Variants in C2CD5 observed in about 807,000 individuals in gnomAD.
C2CD5 encodes C2 domain-containing protein 5.
In C2CD5, 109 loss-of-function variants were observed where a neutral mutation model predicts 130.3. The observed-to-expected ratio is 0.84, with a 90% CI of 0.72 to 0.98. C2CD5 has a LOEUF of 0.98. C2CD5 is among the 50% of genes least tolerant of loss of function. C2CD5 has a pLI of 0.00. For missense variants in C2CD5, 996 were observed against 1,261.8 expected, an observed-to-expected ratio of 0.79 and a Z score of 3.19; for synonymous variants, 454 against 429.2, an observed-to-expected ratio of 1.06 and a Z score of -0.71.
At position 22,470,891 on chromosome 12, in the gene C2CD5, T is replaced by G; in HGVS notation, c.2379A>C (p.Ala793=). ...ELIQVTVTAV[A]ITFDKNQALQ... ...AAGCCTGATTTTTGTCAAAAGTGATTGCGACTGCCGTGACTGTAACCTAGA... is the reference window on the plus strand; with the variant it reads ...AAGCCTGATTTTTGTCAAAAGTGATGGCGACTGCCGTGACTGTAACCTAGA... The change falls in exon 21 of 27, where the codon GCA becomes GCC. Residue 793 remains alanine (A), a synonymous_variant. Transcript: ENST00000446597. The G allele has an allele frequency of 4.3e-6, 7 of 1,611,948 alleles. No individual in the cohort carries two copies. Among genetic ancestry groups the G allele is most frequent in the Non-Finnish European group, 5.9e-6 (7 of 1,178,300 alleles).
At chr12:22,529,456 C>G (rs1390307304) in intron 3 of C2CD5, among the ~76,000 whole-genome samples, 3 of 152,090 alleles carry the variant, frequency 2.0e-5, no homozygotes, top group Non-Finnish European at 4.4e-5. Context: ...ACTAAGGTAT[C>G]CCTTCCCTGA....
At chr12:22,468,209 G>A (rs1188451413) in intron 22 of C2CD5, among the ~76,000 whole-genome samples, 1 of 151,874 alleles carries the variant, frequency 6.6e-6, no homozygotes, top group East Asian at 1.9e-4. Flanking sequence ...GCTGTATAGT[G>A]AATTCAAGAA....
intron 9 of C2CD5, among the ~76,000 whole-genome samples, chr12:22,508,871 CT>C (rs60617771): frequency 0.1 from 14,239 of 138,154 alleles, 697 homozygotes; most frequent in African/African-American, 0.21. Context: ...ATACTTAAAT[CT>C]TTTTTTTTTT....
At chr12:22,518,211 C>T in intron 7 of C2CD5, 74 bp from the exon 8 acceptor site, 1 of 1,425,346 alleles carries the variant, frequency 7.0e-7, no homozygotes, top group Non-Finnish European at 9.9e-7. Flanking sequence ...ATGATCCAAA[C>T]ACCAGGAAAG....
chr12:22,525,291 T>C (rs980642707), intron 5 of C2CD5, among the ~76,000 whole-genome samples: 5 of 152,176 alleles, frequency 3.3e-5, no homozygotes, highest in Non-Finnish European at 5.9e-5. Context: ...CTAGACCCAA[T>C]ACCCATAAAA....
intron 3 of C2CD5, among the ~76,000 whole-genome samples, chr12:22,528,539 T>C (rs1950931355): frequency 6.6e-6 from 1 of 152,176 alleles, no homozygotes; most frequent in Non-Finnish European, 1.5e-5. Flanking sequence ...CTGGATATCA[T>C]GCCATTATCT....
rs1952740076 is a variant in C2CD5 at position 22,544,324 on chromosome 12, G to C, written c.-34C>G. 1.9e-6 allele frequency: 1 copy of C among 532,552 alleles called. No individual in the cohort carries two copies. Among genetic ancestry groups the C allele is most frequent in the Non-Finnish European group, 3.2e-6 (1 of 308,066 alleles). 33.0% of individuals were successfully genotyped at this position (532,552 alleles called of 1,614,324 possible). On this transcript the variant is annotated 5_prime_UTR_variant, in exon 1 of 27. Coordinates refer to ENST00000446597, the MANE Select transcript of C2CD5 (RefSeq NM_001286176.2). ...GCGCCACGGGTCGCCACTCACTGTC[G>C]CAGGAGGAAGGGTGCTGTCCCGCGC...
At chr12:22,535,460 T>A in intron 2 of C2CD5, 116 bp from the exon 3 acceptor site, 1 of 634,032 alleles carries the variant, frequency 1.6e-6, no homozygotes. Flanking sequence ...AAGACTATTA[T>A]CCTCTGGGAC....
intron 7 of C2CD5, among the ~76,000 whole-genome samples, chr12:22,519,716 A>ATTT (rs1345618590): frequency 2.0e-5 from 3 of 152,168 alleles, no homozygotes; most frequent in Non-Finnish European, 4.4e-5. Flanking sequence ...AGAAAGTTAA[A>ATTT]TAACTGTCTA....
Position 22,449,896 on chromosome 12 carries a change from A to C in C2CD5, c.3025-5T>G, listed in dbSNP as rs750520529. 6.2e-7 allele frequency: 1 copy of C among 1,602,398 alleles called. No homozygotes were observed. The highest frequency in any genetic ancestry group is 8.5e-7 in the Non-Finnish European group (1 of 1,170,816). ...TACATTTATAAGACACTGTGCCTAT[A>C]AGAACAACAAACAGGACAGGTTCAG... On this transcript the variant is annotated splice_polypyrimidine_tract_variant and splice_region_variant and intron_variant, in intron 26 of 26. Transcript: ENST00000446597.
At chr12:22,509,736 T>C (rs1948977825) in intron 9 of C2CD5, among the ~76,000 whole-genome samples, 1 of 152,158 alleles carries the variant, frequency 6.6e-6, no homozygotes, top group Non-Finnish European at 1.5e-5. Context: ...ACCTTTCCCA[T>C]ATGAGGGAAG....
chr12:22,452,502 T>C (rs776488407), intron 26 of C2CD5, among the ~76,000 whole-genome samples: 13 of 152,184 alleles, frequency 8.5e-5, no homozygotes, highest in Non-Finnish European at 1.6e-4. Context: ...GTAGCCTCAC[T>C]GAGCTTTTAG....
At chr12:22,453,628 C>A (rs1021467560) in intron 26 of C2CD5, among the ~76,000 whole-genome samples, 1 of 152,086 alleles carries the variant, frequency 6.6e-6, no homozygotes, top group Admixed American at 6.6e-5. Context: ...TAAACACCTA[C>A]CAACAAGAGG....
chr12:22,496,880 A>G (rs945587259), intron 10 of C2CD5, among the ~76,000 whole-genome samples: 8 of 152,054 alleles, frequency 5.3e-5, no homozygotes, highest in African/African-American at 9.7e-5. Context: ...TTAGGTTGAC[A>G]TCAGAATTCA....
intron 8 of C2CD5, among the ~76,000 whole-genome samples, chr12:22,517,606 C>A (rs563889477): frequency 1.3e-5 from 2 of 152,202 alleles, no homozygotes; most frequent in African/African-American, 4.8e-5. Flanking sequence ...GAATTATATT[C>A]ACTAATAGGC....
intron 10 of C2CD5, among the ~76,000 whole-genome samples, chr12:22,499,459 A>T (rs560386179): frequency 3.9e-5 from 6 of 152,306 alleles, no homozygotes; most frequent in Non-Finnish European, 7.3e-5. Context: ...GACCTCAGAG[A>T]TCTGTTTTGA....
At chr12:22,507,110 C>A in intron 9 of C2CD5, 1 of 254,808 alleles carries the variant, frequency 3.9e-6, no homozygotes, top group Non-Finnish European at 7.7e-6. Flanking sequence ...ACTCTTCCTT[C>A]CTCTGAATCT....
At chr12:22,476,437 T>C (rs1943849342) in intron 15 of C2CD5, among the ~76,000 whole-genome samples, 1 of 152,120 alleles carries the variant, frequency 6.6e-6, no homozygotes, top group Admixed American at 6.6e-5. Flanking sequence ...TGAGTACTGT[T>C]GTGAAAATAC....
chr12:22,531,251 T>A (rs1951244424), intron 3 of C2CD5, among the ~76,000 whole-genome samples: 1 of 152,180 alleles, frequency 6.6e-6, no homozygotes. Flanking sequence ...GATAGTGGCA[T>A]TTTAGAAGCA....
Sources: gnomAD v4.1 joint callset for allele counts (sites outside exome capture counted in the v4.1 genomes callset) on GRCh38, gnomAD v4.1.1 for gene constraint, MANE v1.5 for transcripts, NCBI Gene and HGNC (gene_info 2026-07-23, HGNC 2026-07-21) for gene names.